PRKAG2: variants seen among roughly 807,000 people sequenced by gnomAD.
PRKAG2 encodes the protein 5'-AMP-activated protein kinase subunit gamma-2.
Under a neutral mutation model 69.6 loss-of-function variants are expected in PRKAG2, and 26 were observed. The observed-to-expected ratio is 0.37, with a 90% CI of 0.27 to 0.52. The LOEUF is 0.52. Ranked by LOEUF, PRKAG2 falls within the 20% of genes least tolerant of loss-of-function variation. The probability of loss-of-function intolerance (pLI) is 0.90; values close to 1 mark genes in which losing one functional copy is unlikely to be tolerated. For missense variants in PRKAG2, 557 were observed against 740.0 expected, an observed-to-expected ratio of 0.75 and a Z score of 2.87; for synonymous variants, 293 against 285.0, an observed-to-expected ratio of 1.03 and a Z score of -0.28.
intron 5 of PRKAG2, among the ~76,000 whole-genome samples, chr7:151,619,981 A>AGG (rs1821086086): frequency 6.6e-6 from 1 of 152,252 alleles, no homozygotes; most frequent in African/African-American, 2.4e-5. Flanking sequence ...AGATCGCGCC[A>AGG]CTGTACTCTA....
chr7:151,576,194 G>T, intron 7 of PRKAG2, 177 bp downstream of exon 7: 1 of 674,132 alleles, frequency 1.5e-6, no homozygotes, highest in Non-Finnish European at 2.6e-6. Context: ...CCCTGCCTTG[G>T]CCTCCCAAAG....
chr7:151,795,231 A>G (rs1413333970), intron 1 of PRKAG2, among the ~76,000 whole-genome samples: 2 of 152,078 alleles, frequency 1.3e-5, no homozygotes, highest in East Asian at 1.9e-4. Context: ...AGTCTGGGTC[A>G]GCTCCCAGTT....
intron 4 of PRKAG2, among the ~76,000 whole-genome samples, chr7:151,655,763 C>T (rs561502212): frequency 1.4e-4 from 21 of 152,202 alleles, no homozygotes; most frequent in Middle Eastern, 3.4e-3. Flanking sequence ...AAAATGGGAT[C>T]GTAGCAGCAC....
chr7:151,758,141 C>CT (rs11337617), intron 3 of PRKAG2, among the ~76,000 whole-genome samples: 67 of 147,920 alleles, frequency 4.5e-4, no homozygotes, highest in South Asian at 8.5e-4. Context: ...ATTTTCAACT[C>CT]TTTTTTTTTT....
At chr7:151,776,663 C>T (rs1481300202) in intron 3 of PRKAG2, among the ~76,000 whole-genome samples, 8 of 152,258 alleles carry the variant, frequency 5.3e-5, no homozygotes, top group African/African-American at 1.4e-4. Context: ...AAGCAATTCA[C>T]AGGCTCACTG....
intron 1 of PRKAG2, among the ~76,000 whole-genome samples, chr7:151,863,059 C>A (rs1419190845): frequency 6.7e-6 from 1 of 150,066 alleles, no homozygotes; most frequent in African/African-American, 2.5e-5. Context: ...GCAGGGGGCG[C>A]TGGTAGATCC....
At chr7:151,869,607 G>A (rs1162796039) in intron 1 of PRKAG2, among the ~76,000 whole-genome samples, 1 of 152,244 alleles carries the variant, frequency 6.6e-6, no homozygotes, top group Admixed American at 6.5e-5. Context: ...CTCTGTGGGT[G>A]TCCCTGCGCC....
intron 5 of PRKAG2, among the ~76,000 whole-genome samples, chr7:151,599,828 C>T (rs1815588618): frequency 6.6e-6 from 1 of 152,158 alleles, no homozygotes; most frequent in African/African-American, 2.4e-5. Flanking sequence ...GGATTGGGGA[C>T]CCCTGACCTA....
intron 3 of PRKAG2, chr7:151,736,313 G>T: frequency 8.5e-7 from 1 of 1,182,774 alleles, no homozygotes; most frequent in South Asian, 2.6e-5. Context: ...GCTGCCGGAA[G>T]CGCAAACAGA....
Position 151,557,133 on chromosome 7 carries a change from C to T in PRKAG2, c.*68G>A. ...TTCTTAACCACTTGCAGCCAGTGTT[C>T]ATGAGGCAAAACGTGACCCAGAGAC... On this transcript the variant is annotated 3_prime_UTR_variant, in exon 16 of 16. Transcript: ENST00000287878. 1.2e-6 allele frequency: 2 copies of T among 1,611,942 alleles called. No individual in the cohort carries two copies. The highest frequency in any genetic ancestry group is 2.2e-5 in the South Asian group (2 of 91,020).
At chr7:151,715,322 C>CAAAAAAAAAAAAAAAA (rs34971340) in intron 3 of PRKAG2, among the ~76,000 whole-genome samples, 1 of 62,458 alleles carries the variant, frequency 1.6e-5, no homozygotes, top group African/African-American at 7.1e-5. Flanking sequence ...GGCCTAAAAG[C>CAAAAAAAAAAAAAAAA]AAAAAAAAAA....
chr7:151,831,347 G>A (rs1232248915), intron 1 of PRKAG2, among the ~76,000 whole-genome samples: 2 of 152,176 alleles, frequency 1.3e-5, no homozygotes, highest in African/African-American at 4.8e-5. Flanking sequence ...AATTTCCTTT[G>A]ATGAATGAGC....
rs1159760978 is a variant in PRKAG2, at chr7:151,870,154, T to TAGATAGATAGGC, written c.114+6352_114+6353insGCCTATCTATCT. Among the ~76,000 whole-genome samples the TAGATAGATAGGC allele has an allele frequency of 1.5e-3, 207 of 138,416 alleles. 1 individual carries two copies. The East Asian group carries it at 0.02, about 13-fold the overall frequency. 90.8% of individuals were successfully genotyped at this position (138,416 alleles called of 152,430 possible). On this transcript the variant is annotated intron_variant, in intron 1 of 15. Coordinates refer to ENST00000287878, the MANE Select transcript of PRKAG2 (RefSeq NM_016203.4). Reference sequence around the variant, plus strand: ...ATAGATAGATAGATAGATAGATAGATAGGCAGGCAGGCAGGCAGGCAGGCA... The same window carrying TAGATAGATAGGC: ...ATAGATAGATAGATAGATAGATAGATAGATAGATAGGCAGGCAGGCAGGCAGGCAGGCAGGCA...
chr7:151,576,295 G>C (rs2151042354), intron 7 of PRKAG2, 76 bp downstream of exon 7: 1 of 1,269,966 alleles, frequency 7.9e-7, no homozygotes, highest in South Asian at 1.3e-5. Flanking sequence ...TTCCAAACCG[G>C]CATCTATTAA....
intron 3 of PRKAG2, among the ~76,000 whole-genome samples, chr7:151,687,124 G>A (rs1014910539): frequency 6.6e-6 from 1 of 152,196 alleles, no homozygotes; most frequent in African/African-American, 2.4e-5. Flanking sequence ...GCAGGGGAAG[G>A]AAAGGAGAAT....
At chr7:151,795,599 G>A (rs2077458648) in intron 1 of PRKAG2, among the ~76,000 whole-genome samples, 1 of 152,038 alleles carries the variant, frequency 6.6e-6, no homozygotes, top group Non-Finnish European at 1.5e-5. Flanking sequence ...GCTGCCGTGG[G>A]CGTATTTGCA....
intron 3 of PRKAG2, among the ~76,000 whole-genome samples, chr7:151,759,447 C>T (rs1452252883): frequency 1.3e-5 from 2 of 152,192 alleles, no homozygotes; most frequent in Admixed American, 6.5e-5. Context: ...CAGGGATGGG[C>T]TCATTCACTG....
chr7:151,736,701 T>C (rs2151700564), intron 3 of PRKAG2, among the ~76,000 whole-genome samples: 1 of 152,318 alleles, frequency 6.6e-6, no homozygotes, highest in African/African-American at 2.4e-5. Flanking sequence ...TGGCTCACGG[T>C]TCCACTCAAT....
At chr7:151,794,592 G>A (rs2077408150) in intron 1 of PRKAG2, among the ~76,000 whole-genome samples, 1 of 152,264 alleles carries the variant, frequency 6.6e-6, no homozygotes, top group Non-Finnish European at 1.5e-5. Context: ...TCATCACCAG[G>A]GCAGCCAGGC....
Sources: allele counts gnomAD v4.1 joint callset (sites outside exome capture counted in the v4.1 genomes callset), GRCh38; gene constraint gnomAD v4.1.1; transcripts MANE v1.5; gene names NCBI Gene and HGNC (gene_info 2026-07-23, HGNC 2026-07-21).